The following LRBA variants were observed in gnomAD, a reference collection of about 807,000 sequenced individuals.
LRBA encodes lipopolysaccharide-responsive and beige-like anchor protein.
A neutral mutation model predicts 330.0 loss-of-function variants in LRBA; 176 were observed. The observed-to-expected ratio is 0.53, with a 90% CI of 0.47 to 0.60. The LOEUF is 0.60. Among genes scored for constraint, LRBA ranks in the 20% least tolerant of loss-of-function variants. The probability of loss-of-function intolerance (pLI) is 0.00; values close to 1 mark genes in which losing one functional copy is unlikely to be tolerated. For missense variants in LRBA, 3,259 were observed against 3,444.8 expected (o/e 0.95, Z 1.35); for synonymous variants, 1,230 against 1,193.0 (o/e 1.03, Z -0.64).
chr4:150,608,604 T>C (rs1774912939), intron 37 of LRBA, among the ~76,000 whole-genome samples: 1 of 152,244 alleles, frequency 6.6e-6, no homozygotes, highest in Admixed American at 6.5e-5. Flanking sequence ...TTATGATATA[T>C]AATGTATACA....
At chr4:150,658,471 G>C (rs1332369933) in intron 37 of LRBA, among the ~76,000 whole-genome samples, 2 of 142,654 alleles carry the variant, frequency 1.4e-5, no homozygotes, top group Non-Finnish European at 3.0e-5. Context: ...TACTCCAAAG[G>C]CTCAAAACTT....
chr4:150,653,123 G>A (rs989577545), intron 37 of LRBA, among the ~76,000 whole-genome samples: 1 of 152,044 alleles, frequency 6.6e-6, no homozygotes, highest in Non-Finnish European at 1.5e-5. Context: ...CAGGAGGATC[G>A]CTTGAGGCCA....
intron 9 of LRBA, among the ~76,000 whole-genome samples, chr4:150,912,307 G>A (rs1021710246): frequency 1.3e-5 from 2 of 152,150 alleles, no homozygotes; most frequent in African/African-American, 2.4e-5. Context: ...TACTGCCTGA[G>A]CTCCACCTCC....
rs767491156 is a variant in LRBA, at chr4:150,893,086, TAG to T, written c.2129_2130del (p.Ser710TyrfsTer6). On this transcript the variant is annotated frameshift_variant, in exon 17 of 57. Coordinates refer to ENST00000651943, the MANE Select transcript of LRBA (RefSeq NM_001364905.1). LOFTEE classifies it high-confidence loss of function. The part of the protein sequence containing the change: ...LVALMSEHPN[S>X]MIPAFDQRNG... ...TTCCTTTGGTCAAAAGCAGGAATCATAGAGTTAGGGTGTTCTGACATTAATGC... is the reference window on the plus strand; with the variant it reads ...TTCCTTTGGTCAAAAGCAGGAATCATAGTTAGGGTGTTCTGACATTAATGC... The T allele has an allele frequency of 1.2e-6, 2 of 1,611,768 alleles. No homozygotes were observed. Among genetic ancestry groups the T allele is most frequent in the African/African-American group, 2.7e-5 (2 of 74,900 alleles).
At chr4:150,860,741 T>C (rs1282656029) in intron 22 of LRBA, among the ~76,000 whole-genome samples, 8 of 151,236 alleles carry the variant, frequency 5.3e-5, no homozygotes, top group Admixed American at 3.3e-4. Context: ...GGCAGAAGAA[T>C]GGCGTGAACC....
chr4:150,350,774 G>T, intron 47 of LRBA, among the ~76,000 whole-genome samples: 1 of 152,064 alleles, frequency 6.6e-6, no homozygotes, highest in East Asian at 1.9e-4. Flanking sequence ...GGCCTGACAG[G>T]TACTCGATTT....
At chr4:150,319,076 G>C (rs1732117480) in intron 50 of LRBA, among the ~76,000 whole-genome samples, 1 of 152,178 alleles carries the variant, frequency 6.6e-6, no homozygotes, top group African/African-American at 2.4e-5. Flanking sequence ...AAAGGTGAAA[G>C]CCAGAAGCTT....
chr4:150,661,078 T>TAAAAAAAAAAAAA (rs559512113), intron 37 of LRBA, among the ~76,000 whole-genome samples: 1 of 102,624 alleles, frequency 9.7e-6, no homozygotes, highest in African/African-American at 3.8e-5. Context: ...AAAAATAAAT[T>TAAAAAAAAAAAAA]AAAAAAAAAA....
chr4:150,616,270 G>A (rs531519085), intron 37 of LRBA, among the ~76,000 whole-genome samples: 3 of 152,232 alleles, frequency 2.0e-5, no homozygotes, highest in African/African-American at 7.2e-5. Context: ...GACCAAAGCT[G>A]GAGAAGAAAA....
chr4:150,721,156 C>G, intron 36 of LRBA: 1 of 580,638 alleles, frequency 1.7e-6, no homozygotes, highest in Non-Finnish European at 3.3e-6. Flanking sequence ...TGTGCAATGG[C>G]CATATTTGGT....
chr4:150,867,441 T>C (rs1052763173), intron 22 of LRBA, among the ~76,000 whole-genome samples: 3 of 152,212 alleles, frequency 2.0e-5, no homozygotes, highest in Non-Finnish European at 4.4e-5. Flanking sequence ...TTTACCATTA[T>C]AAAGATAAGT....
intron 47 of LRBA, among the ~76,000 whole-genome samples, chr4:150,351,363 A>G (rs1326260742): frequency 2.0e-5 from 3 of 152,168 alleles, no homozygotes; most frequent in African/African-American, 4.8e-5. Flanking sequence ...AAAATCAAAG[A>G]GTTTTCAAAC....
chr4:150,843,197 A>G (rs968882932), intron 28 of LRBA, among the ~76,000 whole-genome samples: 1 of 152,176 alleles, frequency 6.6e-6, no homozygotes, highest in Non-Finnish European at 1.5e-5. Context: ...TTTAATACAC[A>G]GTAAGTATTC....
intron 36 of LRBA, among the ~76,000 whole-genome samples, chr4:150,685,416 A>AC (rs1783500407): frequency 9.9e-5 from 2 of 20,148 alleles, no homozygotes; most frequent in African/African-American, 3.9e-4. Context: ...ATATATATAT[A>AC]TATATTTTTT....
intron 53 of LRBA, among the ~76,000 whole-genome samples, chr4:150,301,745 C>T (rs1315312310): frequency 1.3e-5 from 2 of 152,214 alleles, no homozygotes; most frequent in East Asian, 1.9e-4. Context: ...CAGGTAAAGT[C>T]ATCAGGAAGA....
intron 37 of LRBA, among the ~76,000 whole-genome samples, chr4:150,672,571 T>A (rs181029452): frequency 1.2e-4 from 18 of 152,152 alleles, no homozygotes; most frequent in African/African-American, 2.9e-4. Flanking sequence ...TTATTTTTTT[T>A]AATTTTTTGA....
intron 22 of LRBA, among the ~76,000 whole-genome samples, chr4:150,865,846 G>T (rs1037101985): frequency 6.6e-6 from 1 of 151,738 alleles, no homozygotes; most frequent in Non-Finnish European, 1.5e-5. Context: ...CCCCCAAGTA[G>T]CTGGGATTAC....
chr4:150,689,158 A>G (rs1461045216), intron 36 of LRBA, among the ~76,000 whole-genome samples: 1 of 152,216 alleles, frequency 6.6e-6, no homozygotes, highest in Non-Finnish European at 1.5e-5. Context: ...TGTCCTTTTC[A>G]GGGACGTGGA....
chr4:150,445,377 C>CTCTCTCTCTA (rs1454079183), intron 44 of LRBA, among the ~76,000 whole-genome samples: 15 of 78,624 alleles, frequency 1.9e-4, no homozygotes, highest in Non-Finnish European at 2.5e-4. Context: ...CTCTCTCTCT[C>CTCTCTCTCTA]TATATATATA....
Sources: allele counts gnomAD v4.1 joint callset (sites outside exome capture counted in the v4.1 genomes callset), GRCh38; gene constraint gnomAD v4.1.1; transcripts MANE v1.5; gene names NCBI Gene and HGNC (gene_info 2026-07-23, HGNC 2026-07-21).